Variants in MRTFB observed in about 807,000 individuals in gnomAD.
MRTFB encodes myocardin related transcription factor B.
MRTFB carries 29 observed loss-of-function variants against 104.2 expected under a neutral mutation model. The observed-to-expected ratio is 0.28, with a 90% confidence interval of 0.21 to 0.38. The LOEUF (loss-of-function observed/expected upper bound fraction) is 0.38, where lower values mean the gene tolerates loss of function less well. Ranked by LOEUF, MRTFB falls within the 10% of genes least tolerant of loss-of-function variation. MRTFB has a pLI of 1.00. For missense variants in MRTFB, 1,270 were observed against 1,341.6 expected (o/e 0.95, Z 0.83); for synonymous variants, 535 against 519.5 (o/e 1.03, Z -0.41).
At chr16:14,153,908 A>T (rs1031192914) in intron 3 of MRTFB, among the ~76,000 whole-genome samples, 1 of 152,204 alleles carries the variant, frequency 6.6e-6, no homozygotes, top group African/African-American at 2.4e-5. Flanking sequence ...CCAACCACCA[A>T]CATGGATTAT....
chr16:14,003,979 G>C, the MRTFB span, among the ~76,000 whole-genome samples: 1 of 152,166 alleles, frequency 6.6e-6, no homozygotes. Flanking sequence ...CCTCCAGTCT[G>C]TGGAGGAGAG....
chr16:14,192,599 T>C (rs988150960), intron 3 of MRTFB, among the ~76,000 whole-genome samples: 2 of 152,180 alleles, frequency 1.3e-5, no homozygotes, highest in Non-Finnish European at 2.9e-5. Context: ...AGCCCCTACA[T>C]TCAGGGAGCT....
intron 2 of MRTFB, among the ~76,000 whole-genome samples, chr16:14,134,434 T>C (rs1318030568): frequency 6.6e-6 from 1 of 152,252 alleles, no homozygotes; most frequent in Non-Finnish European, 1.5e-5. Context: ...TCTTCCTCTC[T>C]GAAGTTTAAT....
intron 2 of MRTFB, among the ~76,000 whole-genome samples, chr16:14,113,654 G>C (rs1009109804): frequency 6.6e-6 from 1 of 152,118 alleles, no homozygotes; most frequent in East Asian, 1.9e-4. Context: ...CTCCTAGCTC[G>C]ATGGCGGGAG....
chr16:14,071,561 G>T (rs1308538302), intron 1 of MRTFB, among the ~76,000 whole-genome samples, 196 bp downstream of exon 1: 1 of 151,620 alleles, frequency 6.6e-6, no homozygotes, highest in Admixed American at 6.6e-5. Context: ...GGCCGGGGCC[G>T]CGGGCCGGTG....
intron 3 of MRTFB, among the ~76,000 whole-genome samples, chr16:14,204,478 C>T (rs566577658): frequency 1.3e-5 from 2 of 152,244 alleles, no homozygotes; most frequent in Non-Finnish European, 2.9e-5. Context: ...TTCAGTTTAT[C>T]ATTGGATAAG....
chr16:14,057,711 C>T, the MRTFB span, among the ~76,000 whole-genome samples: 13 of 151,860 alleles, frequency 8.6e-5, no homozygotes, highest in Admixed American at 2.0e-4. Flanking sequence ...TATGAAACCC[C>T]GAGGAATGCT....
intron 8 of MRTFB, among the ~76,000 whole-genome samples, chr16:14,221,717 T>G (rs2041716752): frequency 6.6e-6 from 1 of 152,122 alleles, no homozygotes; most frequent in African/African-American, 2.4e-5. Flanking sequence ...TCATTGCTGT[T>G]GACCAGTCCT....
chr16:14,058,099 T>C, the MRTFB span, among the ~76,000 whole-genome samples: 1 of 152,134 alleles, frequency 6.6e-6, no homozygotes, highest in Non-Finnish European at 1.5e-5. Context: ...CCAGGAAGCC[T>C]GGATGGAATG....
intron 2 of MRTFB, among the ~76,000 whole-genome samples, chr16:14,105,443 G>C (rs1411631752): frequency 1.3e-5 from 2 of 152,072 alleles, no homozygotes; most frequent in East Asian, 3.9e-4. Flanking sequence ...TGTTGCCCAG[G>C]CATCAGTGCG....
intron 3 of MRTFB, among the ~76,000 whole-genome samples, chr16:14,156,031 C>T (rs1170442914): frequency 2.0e-5 from 3 of 152,202 alleles, no homozygotes; most frequent in African/African-American, 7.2e-5. Context: ...TGTGATTTCT[C>T]CCTCCTCTTA....
In MRTFB at chr16:14,247,007, G is replaced by A. The variant is rs777705376; in HGVS notation, c.1747G>A (p.Glu583Lys). The change falls in exon 12 of 17, where the codon GAG (glutamate) becomes AAG (lysine). Residue 583 changes from glutamate to lysine, a missense_variant. Glu to Lys is a moderately conservative substitution (Grantham distance 56). Around this residue, in one of 3 missense-constraint regions of MRTFB, gnomAD observed 1,144 missense variants for 1,131.5 expected, o/e 1.01. Transcript: ENST00000571589. Reference protein sequence around the residue: ...KLQEKEKQIEELKRKLEQEQK... With the variant: ...KLQEKEKQIEKLKRKLEQEQK... ...TCAGGAGAAAGAGAAGCAAATCGAA[G>A]AGCTGAAGAGGAAACTGGAACAAGA... 1.2e-6 allele frequency: 2 copies of A among 1,614,192 alleles called. No homozygotes were observed. The highest frequency in any genetic ancestry group is 1.7e-6 in the Non-Finnish European group (2 of 1,180,046).
intron 2 of MRTFB, among the ~76,000 whole-genome samples, chr16:14,101,265 T>C (rs2035690165): frequency 6.6e-6 from 1 of 151,990 alleles, no homozygotes; most frequent in Non-Finnish European, 1.5e-5. Flanking sequence ...AGTTAAGATA[T>C]ATAGCCTATG....
At chr16:14,169,045 A>G (rs2039339976) in intron 3 of MRTFB, among the ~76,000 whole-genome samples, 1 of 152,182 alleles carries the variant, frequency 6.6e-6, no homozygotes, top group Non-Finnish European at 1.5e-5. Flanking sequence ...ATATTATAGT[A>G]ATTTTTAAAT....
chr16:14,238,368 T>G (rs773280455), intron 9 of MRTFB, among the ~76,000 whole-genome samples: 9 of 151,804 alleles, frequency 5.9e-5, no homozygotes, highest in Non-Finnish European at 1.2e-4. Flanking sequence ...GGGATATAGC[T>G]TGGTAAGGAG....
At chr16:14,051,466 A>AATACACAC in the MRTFB span, among the ~76,000 whole-genome samples, 6 of 151,950 alleles carry the variant, frequency 3.9e-5, no homozygotes, top group African/African-American at 1.5e-4. Flanking sequence ...CACTCATACA[A>AATACACAC]ATACACACAT....
At chr16:14,233,156 CTG>C (rs1413187720) in intron 8 of MRTFB, among the ~76,000 whole-genome samples, 2 of 152,212 alleles carry the variant, frequency 1.3e-5, no homozygotes, top group South Asian at 2.1e-4. Context: ...TGACTCCAAA[CTG>C]AGATTCAGCA....
chr16:14,095,474 T>C (rs1038785481), intron 2 of MRTFB, among the ~76,000 whole-genome samples: 7 of 152,242 alleles, frequency 4.6e-5, no homozygotes, highest in Non-Finnish European at 7.3e-5. Flanking sequence ...ATGCTACATA[T>C]AAAGTACACA....
intron 10 of MRTFB, among the ~76,000 whole-genome samples, chr16:14,244,563 G>C (rs2042932773): frequency 6.6e-6 from 1 of 152,198 alleles, no homozygotes; most frequent in Non-Finnish European, 1.5e-5. Context: ...GGTTGTCCCA[G>C]GTACTTGGTA....
Sources: allele counts gnomAD v4.1 joint callset (sites outside exome capture counted in the v4.1 genomes callset), GRCh38; gene constraint gnomAD v4.1.1; regional missense constraint gnomAD v4.1.1; transcripts MANE v1.5; gene names NCBI Gene and HGNC (gene_info 2026-07-23, HGNC 2026-07-21).